The following ATP2C2 variants were observed in gnomAD, a reference collection of about 807,000 sequenced individuals.
ATP2C2 encodes calcium-transporting ATPase type 2C member 2.
Under a neutral mutation model 110.8 loss-of-function variants are expected in ATP2C2, and 171 were observed. The observed-to-expected ratio is 1.54, with a 90% confidence interval of 1.36 to 1.75. The LOEUF (loss-of-function observed/expected upper bound fraction) is 1.75. Among genes scored for constraint, ATP2C2 ranks in the 40% most tolerant of loss-of-function variants. The pLI is 0.00. For synonymous variants in ATP2C2, 804 were observed against 508.4 expected, an observed-to-expected ratio of 1.58 and a Z score of -7.82; for missense variants, 1,963 against 1,235.0, an observed-to-expected ratio of 1.59 and a Z score of -8.84.
In ATP2C2 at chr16:84,436,019, C is replaced by T. The variant is rs147689513; in HGVS notation, c.987-3147C>T. 7.9e-3 allele frequency among the ~76,000 whole-genome samples: 1,197 copies of T among 152,096 alleles called. 22 individuals carry two copies. The highest frequency in any genetic ancestry group is 0.027 in the African/African-American group (1,137 of 41,468). ...TGGCACATGCCTGTAATTCCAGCTA[C>T]GCGGGAGGCTGAGGCAGGAGAATTG... On this transcript the variant is annotated intron_variant, in intron 11 of 26. Coordinates refer to ENST00000262429, the MANE Select transcript of ATP2C2 (RefSeq NM_014861.4).
intron 21 of ATP2C2, among the ~76,000 whole-genome samples, chr16:84,458,583 G>A (rs1181596421): frequency 6.6e-6 from 1 of 152,062 alleles, no homozygotes; most frequent in African/African-American, 2.4e-5. Context: ...TGGCGGTGGG[G>A]GCACCCACGG....
At position 84,454,990 on chromosome 16, in the gene ATP2C2, C is replaced by G. The variant is rs758335273; in HGVS notation, c.2147+6C>G. ...GATGACTTCTCAGCCATCATGTAAGCTGCCCTTCTGGTTGTTTTTCAGTTG... is the reference window on the plus strand; with the variant it reads ...GATGACTTCTCAGCCATCATGTAAGGTGCCCTTCTGGTTGTTTTTCAGTTG... On this transcript the variant is annotated splice_donor_region_variant and intron_variant, in intron 21 of 26. Coordinates refer to ENST00000262429, the MANE Select transcript of ATP2C2 (RefSeq NM_014861.4). 1.2e-6 allele frequency: 2 copies of G among 1,611,902 alleles called. No homozygotes were observed. Among genetic ancestry groups the G allele is most frequent in the Non-Finnish European group, 1.7e-6 (2 of 1,179,070 alleles).
In ATP2C2 at chr16:84,410,575, T is replaced by C. The variant is rs200067602; in HGVS notation, c.425T>C (p.Leu142Pro). Reference protein sequence around the residue: ...EDAVSIATAVLVVVTVAFIQE... With the variant: ...EDAVSIATAVPVVVTVAFIQE... ...CCTCCGTTTGCTGTCTAGGCAGTGC[T>C]TGTCGTGGTCACTGTCGCCTTCATC... The change falls in exon 5 of 27, where the codon CTT becomes CCT. Residue 142 changes from leucine (L) to proline (P), a missense_variant. Leu to Pro is a moderately conservative substitution (Grantham distance 98, BLOSUM62 -3). Transcript: ENST00000262429. 6.2e-7 allele frequency: 1 copy of C among 1,614,052 alleles called. No individual in the cohort carries two copies. Among genetic ancestry groups the C allele is most frequent in the African/African-American group, 1.3e-5 (1 of 75,048 alleles).
intron 14 of ATP2C2, among the ~76,000 whole-genome samples, 178 bp from the exon 15 acceptor site, chr16:84,442,332 A>T (rs1909338605): frequency 6.6e-6 from 1 of 152,176 alleles, no homozygotes; most frequent in Non-Finnish European, 1.5e-5. Flanking sequence ...GGGAACCAAC[A>T]TTCAGCACAG....
chr16:84,383,064 G>A (rs1175725917), intron 1 of ATP2C2, among the ~76,000 whole-genome samples: 7 of 152,242 alleles, frequency 4.6e-5, no homozygotes, highest in Middle Eastern at 6.8e-3. Context: ...GGGATCCAGC[G>A]CTGGGCCTGC....
At chr16:84,379,601 T>A (rs1910457948) in intron 1 of ATP2C2, among the ~76,000 whole-genome samples, 1 of 151,948 alleles carries the variant, frequency 6.6e-6, no homozygotes, top group Admixed American at 6.6e-5. Flanking sequence ...CTGGGCGGGG[T>A]CCCAGCAATC....
At chr16:84,396,918 T>A (rs1271272307) in intron 1 of ATP2C2, among the ~76,000 whole-genome samples, 2 of 151,896 alleles carry the variant, frequency 1.3e-5, no homozygotes, top group Non-Finnish European at 2.9e-5. Flanking sequence ...AGCACAGCTT[T>A]TCTAAGCAAA....
At chr16:84,433,414 C>CA (rs34967013) in intron 11 of ATP2C2, among the ~76,000 whole-genome samples, 6 of 68,216 alleles carry the variant, frequency 8.8e-5, no homozygotes, top group South Asian at 4.5e-4. Context: ...ACCAAAAAAC[C>CA]AAAAAAATCT....
intron 7 of ATP2C2, among the ~76,000 whole-genome samples, chr16:84,419,373 C>T (rs1422856430): frequency 6.6e-6 from 1 of 152,158 alleles, no homozygotes; most frequent in Non-Finnish European, 1.5e-5. Flanking sequence ...GTTACATCTC[C>T]CTGACATCAG....
intron 17 of ATP2C2, among the ~76,000 whole-genome samples, chr16:84,451,709 A>G (rs1407208858): frequency 6.6e-6 from 1 of 152,166 alleles, no homozygotes; most frequent in Admixed American, 6.5e-5. Context: ...CTGGAGGCGC[A>G]TGCCCGTAAT....
At position 84,441,034 on chromosome 16, in the gene ATP2C2, C is replaced by G. The variant is rs142845022; in HGVS notation, c.1311+76C>G. The G allele has an allele frequency of 7.2e-6, 9 of 1,251,470 alleles. No homozygotes were observed. The African/African-American group carries it at 8.8e-5, about 12-fold the overall frequency. 77.5% of individuals were successfully genotyped at this position (1,251,470 alleles called of 1,614,324 possible). A position where few individuals can be genotyped will look rare whatever the true frequency, so the allele number is the denominator to read the frequency against. ...TGGGGCTCCTCTCTGAAAAGGGAAA[C>G]AGCCATTGAACCTACTGGTTCTTGA... On this transcript the variant is annotated intron_variant, in intron 14 of 26. Transcript: ENST00000262429.
Position 84,453,175 on chromosome 16 carries a change from C to G in ATP2C2, c.1869C>G (p.Ala623=). The G allele has an allele frequency of 6.2e-7, 1 of 1,613,846 alleles. No individual in the cohort carries two copies. The highest frequency in any genetic ancestry group is 8.5e-7 in the Non-Finnish European group (1 of 1,179,860). Residue 623 remains alanine (A), a synonymous_variant, in exon 19 of 27, where the codon GCC becomes GCG. Coordinates refer to ENST00000262429, the MANE Select transcript of ATP2C2 (RefSeq NM_014861.4). The stretch of plus-strand genomic sequence containing the variant: ...GCCTGTGCAACGGGAAGCTGCAAGC[C>G]ATGTCCGGGGAGGAGGTGGACAGCG... ...NIGLCNGKLQ[A]MSGEEVDSVE... is the part of the protein sequence containing the mutation.
At chr16:84,433,819 C>T (rs1356901954) in intron 11 of ATP2C2, among the ~76,000 whole-genome samples, 1 of 152,128 alleles carries the variant, frequency 6.6e-6, no homozygotes, top group Non-Finnish European at 1.5e-5. Flanking sequence ...GGCTTCTGTG[C>T]TCAAGCCCCA....
intron 1 of ATP2C2, among the ~76,000 whole-genome samples, chr16:84,383,502 C>T (rs1351400570): frequency 1.3e-5 from 2 of 152,194 alleles, no homozygotes; most frequent in South Asian, 4.1e-4. Flanking sequence ...GAACCTGTTT[C>T]TTCCCAGCCA....
chr16:84,454,335 C>T (rs187628220), intron 20 of ATP2C2, among the ~76,000 whole-genome samples: 51 of 152,302 alleles, frequency 3.3e-4, no homozygotes, highest in Non-Finnish European at 2.5e-4. Flanking sequence ...TTGGTTTTCT[C>T]GCCTGTGCTC....
intron 1 of ATP2C2, among the ~76,000 whole-genome samples, chr16:84,369,084 A>G (rs1909801402): frequency 6.6e-6 from 1 of 152,248 alleles, no homozygotes. Flanking sequence ...TGGATTTTTA[A>G]AACTTAAATT....
chr16:84,453,471 C>T, intron 20 of ATP2C2, 100 bp downstream of exon 20: 1 of 1,479,864 alleles, frequency 6.8e-7, no homozygotes, highest in Non-Finnish European at 9.4e-7. Flanking sequence ...AGTGCAGGGC[C>T]CGACCGTGGC....
intron 11 of ATP2C2, among the ~76,000 whole-genome samples, chr16:84,438,062 C>T (rs1908905025): frequency 6.6e-6 from 1 of 152,212 alleles, no homozygotes; most frequent in Non-Finnish European, 1.5e-5. Context: ...GTGCCTTGTT[C>T]CTTTCTTTGG....
At chr16:84,391,953 C>T (rs886246023) in intron 1 of ATP2C2, among the ~76,000 whole-genome samples, 6 of 151,194 alleles carry the variant, frequency 4.0e-5, no homozygotes, top group Admixed American at 6.6e-5. Context: ...TATATTACGA[C>T]GATTGTTCTG....
Sources: gnomAD v4.1 joint callset for allele counts (sites outside exome capture counted in the v4.1 genomes callset) on GRCh38, gnomAD v4.1.1 for gene constraint, MANE v1.5 for transcripts, NCBI Gene and HGNC (gene_info 2026-07-23, HGNC 2026-07-21) for gene names.